Variants in UBE2QL1 observed in about 807,000 individuals in gnomAD.
UBE2QL1 encodes ubiquitin conjugating enzyme E2 QL1, also known as ubiquitin-conjugating enzyme E2Q-like protein 1.
In UBE2QL1, 5 loss-of-function variants were observed where a neutral mutation model predicts 12.6. That is an observed-to-expected ratio of 0.40 (90% CI 0.21 to 0.83). The LOEUF (loss-of-function observed/expected upper bound fraction) is 0.83, where lower values mean the gene tolerates loss of function less well. Ranked by LOEUF, UBE2QL1 falls within the 40% of genes least tolerant of loss-of-function variation. The pLI, the probability that UBE2QL1 is intolerant of heterozygous loss-of-function variation, is 0.37. For synonymous variants in UBE2QL1, 96 were observed against 94.5 expected (o/e 1.02, Z -0.10); for missense variants, 99 against 222.6 (o/e 0.44, Z 3.53).
intron 1 of UBE2QL1, among the ~76,000 whole-genome samples, chr5:6,466,295 G>A (rs1426297510): frequency 6.6e-6 from 1 of 152,224 alleles, no homozygotes; most frequent in East Asian, 1.9e-4. Flanking sequence ...GGAAGTGTGA[G>A]CTGCTCACGA....
chr5:6,473,052 AG>A lies in UBE2QL1; in HGVS notation c.355-18165del, dbSNP rs547838518. Reference sequence around the variant, plus strand: ...TCTGCTGCCATTGTTATCCCATGACAGTCCCATGTAAATACAATTCTCTCTT... The same window carrying A: ...TCTGCTGCCATTGTTATCCCATGACATCCCATGTAAATACAATTCTCTCTT... On this transcript the variant is annotated intron_variant, in intron 1 of 1. Transcript: ENST00000399816. Among the ~76,000 whole-genome samples the A allele has an allele frequency of 1.1e-4, 16 of 152,318 alleles. No individual in the cohort carries two copies. In the South Asian group the frequency reaches 3.3e-3, roughly 32 times the overall value.
chr5:6,491,547 G>A lies in UBE2QL1; in HGVS notation c.*198G>A, dbSNP rs141071799. The A allele has an allele frequency of 9.6e-5, 57 of 592,128 alleles. No homozygotes were observed. In the African/African-American group the frequency reaches 1.0e-3, roughly 11 times the overall value. The allele number at this position is 592,128 out of a possible 1,614,324, so 36.7% of individuals were successfully genotyped here. A position where few individuals can be genotyped will look rare whatever the true frequency, so the allele number is the denominator to read the frequency against. ...AGGGAGCAAATGCCGTTCGGATTATGTTTCGATTATAAATGAATGATCACC... is the reference window on the plus strand; with the variant it reads ...AGGGAGCAAATGCCGTTCGGATTATATTTCGATTATAAATGAATGATCACC... On this transcript the variant is annotated 3_prime_UTR_variant, in exon 2 of 2. Transcript: ENST00000399816.
chr5:6,459,446 C>T (rs1182986348), intron 1 of UBE2QL1, among the ~76,000 whole-genome samples: 1 of 152,168 alleles, frequency 6.6e-6, no homozygotes, highest in Non-Finnish European at 1.5e-5. Context: ...AGGTGACCAA[C>T]CACAGGAGTC....
At chr5:6,473,120 C>T (rs1739950821) in intron 1 of UBE2QL1, among the ~76,000 whole-genome samples, 1 of 152,232 alleles carries the variant, frequency 6.6e-6, no homozygotes, top group Non-Finnish European at 1.5e-5. Context: ...ACAAATATTA[C>T]ACTGCCTTTA....
intron 1 of UBE2QL1, among the ~76,000 whole-genome samples, chr5:6,465,828 G>T (rs967039765): frequency 8.5e-5 from 13 of 152,194 alleles, no homozygotes; most frequent in Admixed American, 3.9e-4. Context: ...CCTTAAACCT[G>T]CCTCCGTGAG....
rs948652987 is a variant in UBE2QL1 at position 6,495,263 on chromosome 5, G to A, written c.*3914G>A. On this transcript the variant is annotated 3_prime_UTR_variant, in exon 2 of 2. Transcript: ENST00000399816. The stretch of plus-strand genomic sequence containing the variant: ...GTCCCACCTGACAGCCTAGCCTGGC[G>A]TGTGGAGCTTGCCCTGTGTGTAGCA... Among the ~76,000 whole-genome samples the A allele has an allele frequency of 5.3e-5, 8 of 152,182 alleles. No individual in the cohort carries two copies. The highest frequency in any genetic ancestry group is 1.7e-4 in the African/African-American group (7 of 41,452).
intron 1 of UBE2QL1, among the ~76,000 whole-genome samples, chr5:6,470,717 G>A (rs570877550): frequency 6.6e-5 from 10 of 152,240 alleles, no homozygotes; most frequent in East Asian, 1.9e-4. Flanking sequence ...GCCCTGTCGG[G>A]TGACAGTTAG....
intron 1 of UBE2QL1, among the ~76,000 whole-genome samples, chr5:6,477,396 C>G (rs563302345): frequency 1.3e-5 from 2 of 151,316 alleles, no homozygotes; most frequent in East Asian, 1.9e-4. Context: ...ACAGGTGTGC[C>G]CGGAGGTCAG....
In UBE2QL1 at chr5:6,495,896, T is replaced by C. The variant is rs1015482595; in HGVS notation, c.*4547T>C. The stretch of plus-strand genomic sequence containing the variant: ...AAATATCATTTTTAAGCCCAGGGCC[T>C]GTCTGATCCACAGAATGTGGTCAAT... On this transcript the variant is annotated 3_prime_UTR_variant, in exon 2 of 2. Transcript: ENST00000399816. Among the ~76,000 whole-genome samples the C allele has an allele frequency of 3.3e-5, 5 of 152,232 alleles. No homozygotes were observed. The highest frequency in any genetic ancestry group is 5.9e-5 in the Non-Finnish European group (4 of 68,046).
At chr5:6,459,969 T>C (rs1479599053) in intron 1 of UBE2QL1, among the ~76,000 whole-genome samples, 4 of 152,166 alleles carry the variant, frequency 2.6e-5, no homozygotes, top group South Asian at 2.1e-4. Context: ...CTCGAGGTAG[T>C]GTGTGGCTCT....
chr5:6,493,647 A>T lies in UBE2QL1; in HGVS notation c.*2298A>T, dbSNP rs988816583. On this transcript the variant is annotated 3_prime_UTR_variant, in exon 2 of 2. Coordinates refer to ENST00000399816, the MANE Select transcript of UBE2QL1 (RefSeq NM_001145161.3). ...TTGTTAGAAACTTATAGAAGAAATC[A>T]ATTCTTTAGTGAACGAAATACCATT... 3.3e-5 allele frequency: 5 copies of T among 152,244 alleles called. No homozygotes were observed. Among genetic ancestry groups the T allele is most frequent in the African/African-American group, 1.2e-4 (5 of 41,460 alleles). The allele number at this position is 152,244 out of a possible 1,614,324, so 9.4% of individuals were successfully genotyped here. A position where few individuals can be genotyped will look rare whatever the true frequency, so the allele number is the denominator to read the frequency against.
At chr5:6,474,741 G>A (rs1478697497) in intron 1 of UBE2QL1, among the ~76,000 whole-genome samples, 3 of 152,210 alleles carry the variant, frequency 2.0e-5, no homozygotes, top group Admixed American at 6.5e-5. Context: ...GAGCACCTGA[G>A]AGGGGCAGTG....
At chr5:6,449,673 C>T (rs73032413) in intron 1 of UBE2QL1, among the ~76,000 whole-genome samples, 292 of 149,854 alleles carry the variant, frequency 1.9e-3, no homozygotes, top group African/African-American at 6.9e-3. Context: ...TCTATTCCCA[C>T]CCCCGTTCCT....
Position 6,481,868 on chromosome 5 carries a change from G to A in UBE2QL1, c.355-9350G>A, listed in dbSNP as rs1734369637. 6.6e-6 allele frequency among the ~76,000 whole-genome samples: 1 copy of A among 152,242 alleles called. No homozygotes were observed. On this transcript the variant is annotated intron_variant, in intron 1 of 1. Transcript: ENST00000399816. The surrounding 1 kb of genome is among the most constrained non-coding windows in gnomAD (Gnocchi z 4.5). ...GCGCCCACCTGCAGAATGGGTGCAA[G>A]TGCTGAGGTACAGGTGAAAGGCCTC... is the stretch of plus-strand genomic sequence containing the variant.
At chr5:6,491,195 G>T in intron 1 of UBE2QL1, 23 bp from the exon 2 acceptor site, 1 of 1,522,394 alleles carries the variant, frequency 6.6e-7, no homozygotes, top group Non-Finnish European at 8.8e-7. Context: ...TTCTAACCTG[G>T]TTTTTCTTCT....
At chr5:6,487,896 T>G (rs1579303315) in intron 1 of UBE2QL1, among the ~76,000 whole-genome samples, 1 of 151,966 alleles carries the variant, frequency 6.6e-6, no homozygotes, top group East Asian at 1.9e-4. Flanking sequence ...CTTGGTGCAG[T>G]GGGCACAGCA....
chr5:6,471,690 G>A (rs532036352), intron 1 of UBE2QL1, among the ~76,000 whole-genome samples: 4 of 152,330 alleles, frequency 2.6e-5, no homozygotes, highest in African/African-American at 7.2e-5. Flanking sequence ...CTCAGGGGTA[G>A]GAGGTCAAAC....
chr5:6,457,063 G>A (rs1276047042), intron 1 of UBE2QL1, among the ~76,000 whole-genome samples: 3 of 151,658 alleles, frequency 2.0e-5, no homozygotes, highest in Admixed American at 2.0e-4. Flanking sequence ...CATCCTCCCT[G>A]ATGCCACCTG....
intron 1 of UBE2QL1, among the ~76,000 whole-genome samples, chr5:6,449,757 C>T (rs1739373488): frequency 6.6e-6 from 1 of 151,758 alleles, no homozygotes; most frequent in Non-Finnish European, 1.5e-5. Flanking sequence ...TTTTCTCGCC[C>T]CTCTCTTGTC....
Sources: allele counts gnomAD v4.1 joint callset (sites outside exome capture counted in the v4.1 genomes callset), GRCh38; gene constraint gnomAD v4.1.1; non-coding constraint Gnocchi (gnomAD v3.1); transcripts MANE v1.5; gene names NCBI Gene and HGNC (gene_info 2026-07-23, HGNC 2026-07-21).